The following RBFOX1 variants were observed in gnomAD, a reference collection of about 807,000 sequenced individuals.
RBFOX1 encodes the protein RNA binding protein fox-1 homolog 1.
RBFOX1 carries 8 observed loss-of-function variants against 57.7 expected under a neutral mutation model. That is an observed-to-expected ratio of 0.14 (90% CI 0.08 to 0.25). The LOEUF (loss-of-function observed/expected upper bound fraction) is 0.25, where lower values mean the gene tolerates loss of function less well. Ranked by LOEUF, RBFOX1 falls within the 10% of genes least tolerant of loss-of-function variation. The pLI is 1.00. For missense variants in RBFOX1, 611 were observed against 548.5 expected (o/e 1.11, Z -1.14); for synonymous variants, 326 against 222.4 (o/e 1.47, Z -4.15).
chr16:6,545,223 C>T (rs922618956), intron 2 of RBFOX1, among the ~76,000 whole-genome samples: 2 of 152,194 alleles, frequency 1.3e-5, no homozygotes, highest in Non-Finnish European at 2.9e-5. Context: ...TCCTTGCCTT[C>T]AGATCCAATC....
chr16:6,452,032 C>A (rs780992287), intron 2 of RBFOX1, among the ~76,000 whole-genome samples: 60 of 150,786 alleles, frequency 4.0e-4, no homozygotes, highest in Non-Finnish European at 5.8e-4. Flanking sequence ...CCATCCATGG[C>A]TCCTTCCTTC....
intron 1 of RBFOX1, among the ~76,000 whole-genome samples, chr16:6,280,875 T>G (rs1272085174): frequency 6.6e-6 from 1 of 151,958 alleles, no homozygotes; most frequent in Non-Finnish European, 1.5e-5. Flanking sequence ...TGAGATTTTT[T>G]GTTAATATAT....
chr16:6,430,690 T>C (rs940438396), intron 2 of RBFOX1, among the ~76,000 whole-genome samples: 1 of 152,038 alleles, frequency 6.6e-6, no homozygotes, highest in Non-Finnish European at 1.5e-5. Context: ...AATGCTGTGA[T>C]GGGAAGTTTA....
chr16:7,656,778 C>T (rs1461538694), intron 12 of RBFOX1, among the ~76,000 whole-genome samples: 1 of 152,068 alleles, frequency 6.6e-6, no homozygotes, highest in Non-Finnish European at 1.5e-5. Context: ...TACAAGCCAA[C>T]AATTTCAATA....
chr16:6,940,496 G>A (rs2078187825), intron 3 of RBFOX1, among the ~76,000 whole-genome samples: 1 of 152,198 alleles, frequency 6.6e-6, no homozygotes, highest in South Asian at 2.1e-4. Context: ...AAATATTGAT[G>A]AAGGGAAGAA....
chr16:6,260,985 C>T (rs1421418761), intron 1 of RBFOX1, among the ~76,000 whole-genome samples: 1 of 152,124 alleles, frequency 6.6e-6, no homozygotes, highest in Admixed American at 6.5e-5. Flanking sequence ...TGGACATGGA[C>T]AAAATATATC....
intron 4 of RBFOX1, among the ~76,000 whole-genome samples, chr16:7,339,504 G>A (rs1347746225): frequency 1.3e-5 from 2 of 152,172 alleles, no homozygotes; most frequent in Admixed American, 6.5e-5. Flanking sequence ...GCAGTGGCAT[G>A]ATCTCAGCTC....
intron 3 of RBFOX1, among the ~76,000 whole-genome samples, chr16:6,672,873 C>A (rs2098775746): frequency 6.6e-6 from 1 of 152,038 alleles, no homozygotes; most frequent in Non-Finnish European, 1.5e-5. Context: ...GGTCACTTGC[C>A]CCCTTTCCCA....
chr16:5,402,105 C>T (rs555349207), intron 1 of RBFOX1, among the ~76,000 whole-genome samples: 1 of 151,930 alleles, frequency 6.6e-6, no homozygotes, highest in Non-Finnish European at 1.5e-5. Context: ...GGGGCATTTA[C>T]CAGTCCCAGG....
chr16:7,682,362 G>C (rs2074983521), intron 14 of RBFOX1, among the ~76,000 whole-genome samples: 2 of 152,006 alleles, frequency 1.3e-5, no homozygotes, highest in Non-Finnish European at 2.9e-5. Context: ...GAGTTCTTGG[G>C]GGTTCAGAAG....
chr16:7,237,093 C>A (rs2093806077), intron 4 of RBFOX1, among the ~76,000 whole-genome samples: 1 of 152,150 alleles, frequency 6.6e-6, no homozygotes, highest in African/African-American at 2.4e-5. Context: ...TGGGTGGCAG[C>A]CAGCTACTTT....
chr16:5,438,439 C>T (rs2067981897), intron 1 of RBFOX1, among the ~76,000 whole-genome samples: 1 of 152,156 alleles, frequency 6.6e-6, no homozygotes, highest in Non-Finnish European at 1.5e-5. Context: ...TAATGTATGG[C>T]CTAACACTTC....
chr16:6,654,827 T>C (rs2098635045), intron 3 of RBFOX1, among the ~76,000 whole-genome samples, 177 bp downstream of exon 3: 2 of 152,164 alleles, frequency 1.3e-5, no homozygotes, highest in South Asian at 2.1e-4. Context: ...TTACAATCTG[T>C]GTTACTTCTG....
intron 1 of RBFOX1, among the ~76,000 whole-genome samples, chr16:6,181,179 A>G (rs2097059689): frequency 6.6e-6 from 1 of 152,134 alleles, no homozygotes; most frequent in Non-Finnish European, 1.5e-5. Context: ...TGAGAATATA[A>G]TCACTTCTAC....
At chr16:5,378,322 T>C (rs1223011757) in intron 1 of RBFOX1, among the ~76,000 whole-genome samples, 1 of 151,550 alleles carries the variant, frequency 6.6e-6, no homozygotes, top group Non-Finnish European at 1.5e-5. Context: ...CTGCCTCTGC[T>C]GGCCACCCAG....
chr16:5,329,827 G>T (rs992306234), intron 1 of RBFOX1, among the ~76,000 whole-genome samples: 6 of 152,052 alleles, frequency 3.9e-5, no homozygotes, highest in African/African-American at 1.2e-4. Flanking sequence ...GTGAAACCCC[G>T]TCTCTACTAA....
At chr16:5,437,163 C>G (rs917125670) in intron 1 of RBFOX1, among the ~76,000 whole-genome samples, 2 of 151,822 alleles carry the variant, frequency 1.3e-5, no homozygotes, top group African/African-American at 2.4e-5. Context: ...TCTGAGGTGA[C>G]AAAAGGAAAT....
At chr16:7,455,040 C>G (rs1052278153) in intron 4 of RBFOX1, among the ~76,000 whole-genome samples, 7 of 152,228 alleles carry the variant, frequency 4.6e-5, no homozygotes, top group African/African-American at 1.4e-4. Flanking sequence ...CAATAGGGCA[C>G]TACCTATGTG....
Position 5,319,054 on chromosome 16 carries a change from C to G in RBFOX1, c.219+78949C>G, listed in dbSNP as rs1436734872. 2.6e-5 allele frequency among the ~76,000 whole-genome samples: 4 copies of G among 152,058 alleles called. No individual in the cohort carries two copies. In the South Asian group the frequency reaches 8.3e-4, roughly 32 times the overall value. On this transcript the variant is annotated intron_variant, in intron 1 of 2. Transcript: ENST00000585867. ...AGGCAGGAGAATTGCTTGAACCTGG[C>G]AGGTGGAGGTTGCGGTGAGCCGAGA...
Sources: allele counts gnomAD v4.1 joint callset (sites outside exome capture counted in the v4.1 genomes callset), GRCh38; gene constraint gnomAD v4.1.1; transcripts MANE v1.5; gene names NCBI Gene and HGNC (gene_info 2026-07-23, HGNC 2026-07-21).